The following PDCD1LG2 variants were observed in gnomAD, a reference collection of about 807,000 sequenced individuals.
PDCD1LG2 encodes B7 dendritic cell molecule.
Under a neutral mutation model 28.2 loss-of-function variants are expected in PDCD1LG2, and 32 were observed. That is an observed-to-expected ratio of 1.13 (90% CI 0.86 to 1.52). PDCD1LG2 has a LOEUF of 1.52. PDCD1LG2 is among the 40% of genes most tolerant of loss of function. PDCD1LG2 has a pLI of 0.00. For synonymous variants in PDCD1LG2, 116 were observed against 120.2 expected, an observed-to-expected ratio of 0.97 and a Z score of 0.23; for missense variants, 385 against 323.8, an observed-to-expected ratio of 1.19 and a Z score of -1.45.
In PDCD1LG2 at chr9:5,537,664, G is replaced by A. The variant is rs547796523; in HGVS notation, c.361+2614G>A. ...AAACACCGCATGTTCTCACTCATAG[G>A]TGGGAATTGAACAATGAGAACACAT... On this transcript the variant is annotated intron_variant, in intron 3 of 6. Coordinates refer to ENST00000397747, the MANE Select transcript of PDCD1LG2 (RefSeq NM_025239.4). 5.3e-5 allele frequency among the ~76,000 whole-genome samples: 8 copies of A among 152,272 alleles called. No individual in the cohort carries two copies. The South Asian group carries it at 1.7e-3, about 32-fold the overall frequency.
intron 5 of PDCD1LG2, among the ~76,000 whole-genome samples, chr9:5,560,174 T>C (rs1278281058): frequency 6.6e-6 from 1 of 152,262 alleles, no homozygotes; most frequent in Non-Finnish European, 1.5e-5. Context: ...TTTAATAGCT[T>C]GGACTACCAA....
rs753508715 is a variant in PDCD1LG2, at chr9:5,534,843, C to T, written c.154C>T (p.Leu52Phe). 1.1e-5 allele frequency: 17 copies of T among 1,614,156 alleles called. No homozygotes were observed. The highest frequency in any genetic ancestry group is 1.4e-5 in the Non-Finnish European group (17 of 1,180,014). ...CTTTGACACTGGAAGTCATGTGAAC[C>T]TTGGAGCAATAACAGCCAGTTTGCA... ...CNFDTGSHVN[L>F]GAITASLQKV... Residue 52 changes from leucine (L) to phenylalanine (F), a missense_variant, in exon 3 of 7, where the codon CTT (leucine) becomes TTT (phenylalanine). Physicochemically the swap from Leu to Phe is conservative, Grantham distance 22. Coordinates refer to ENST00000397747, the MANE Select transcript of PDCD1LG2 (RefSeq NM_025239.4).
At chr9:5,530,250 A>G (rs1820456826) in intron 2 of PDCD1LG2, among the ~76,000 whole-genome samples, 1 of 152,190 alleles carries the variant, frequency 6.6e-6, no homozygotes, top group African/African-American at 2.4e-5. Flanking sequence ...ACCTGCATAC[A>G]TGAATTTTTC....
At chr9:5,517,191 A>C (rs1045342219) in intron 1 of PDCD1LG2, among the ~76,000 whole-genome samples, 3 of 152,250 alleles carry the variant, frequency 2.0e-5, no homozygotes, top group African/African-American at 7.2e-5. Flanking sequence ...ATGCTGGGGT[A>C]GGGTTGGAGT....
At chr9:5,520,528 C>G (rs1174759201) in intron 1 of PDCD1LG2, among the ~76,000 whole-genome samples, 2 of 152,134 alleles carry the variant, frequency 1.3e-5, no homozygotes, top group East Asian at 3.8e-4. Context: ...TACAATTGCT[C>G]CATTTATATT....
intron 4 of PDCD1LG2, among the ~76,000 whole-genome samples, chr9:5,557,121 C>G (rs1816458007): frequency 1.3e-5 from 2 of 152,096 alleles, no homozygotes. Flanking sequence ...ATTCTAAGCA[C>G]TGTGAGTACT....
intron 5 of PDCD1LG2, among the ~76,000 whole-genome samples, chr9:5,562,044 T>C (rs1161300821): frequency 1.3e-5 from 2 of 152,110 alleles, no homozygotes; most frequent in Admixed American, 6.5e-5. Context: ...AGGATAGTCA[T>C]GAGGGAATTA....
In PDCD1LG2 at chr9:5,549,693, T is replaced by C. The variant is rs1274456632; in HGVS notation, c.631+89T>C. 8.8e-6 allele frequency: 13 copies of C among 1,470,876 alleles called. No individual in the cohort carries two copies. In the South Asian group the frequency reaches 1.4e-4, roughly 16 times the overall value. The allele number at this position is 1,470,876 out of a possible 1,614,324, so 91.1% of individuals were successfully genotyped here. A position where few individuals can be genotyped will look rare whatever the true frequency, so the allele number is the denominator to read the frequency against. ...CTCGAGTGATTTGAGGAGAGTGTAA[T>C]AAAGGGACTGTTTACAAAGGTGTGA... On this transcript the variant is annotated intron_variant, in intron 4 of 6. Transcript: ENST00000397747.
intron 6 of PDCD1LG2, among the ~76,000 whole-genome samples, chr9:5,564,662 T>C (rs1816629473): frequency 1.3e-5 from 2 of 152,218 alleles, no homozygotes; most frequent in Non-Finnish European, 2.9e-5. Flanking sequence ...CTTGTCTCTA[T>C]AGATCATATC....
chr9:5,544,370 G>A (rs574634083), intron 3 of PDCD1LG2, among the ~76,000 whole-genome samples: 2 of 152,322 alleles, frequency 1.3e-5, no homozygotes, highest in African/African-American at 2.4e-5. Context: ...AACCCAGTGG[G>A]CCTGTCCATT....
chr9:5,513,731 T>C (rs1820104514), intron 1 of PDCD1LG2, among the ~76,000 whole-genome samples: 1 of 152,216 alleles, frequency 6.6e-6, no homozygotes, highest in Non-Finnish European at 1.5e-5. Context: ...CTCATATACC[T>C]ATGACAGCAG....
intron 3 of PDCD1LG2, among the ~76,000 whole-genome samples, chr9:5,548,189 T>C (rs1440655039): frequency 1.3e-5 from 2 of 152,192 alleles, no homozygotes; most frequent in Non-Finnish European, 2.9e-5. Context: ...GATAACCACC[T>C]TTCTACTCTG....
At chr9:5,543,346 T>A (rs56299437) in intron 3 of PDCD1LG2, among the ~76,000 whole-genome samples, 1 of 152,188 alleles carries the variant, frequency 6.6e-6, no homozygotes, top group Non-Finnish European at 1.5e-5. Context: ...AAGATCATCC[T>A]GGCTAACACG....
chr9:5,549,699 G>C (rs2129880653), intron 4 of PDCD1LG2, 95 bp downstream of exon 4: 2 of 1,442,036 alleles, frequency 1.4e-6, no homozygotes, highest in East Asian at 2.3e-5. Flanking sequence ...GTAATAAAGG[G>C]ACTGTTTACA....
chr9:5,514,514 T>C lies in PDCD1LG2; in HGVS notation c.-15+3711T>C, dbSNP rs187935638. Reference sequence around the variant, plus strand: ...CTTATCCTCAGAATTTACAGATGTTTCCTTGATTTCTCTGGAAAGATACAA... The same window carrying C: ...CTTATCCTCAGAATTTACAGATGTTCCCTTGATTTCTCTGGAAAGATACAA... On this transcript the variant is annotated intron_variant, in intron 1 of 6. Coordinates refer to ENST00000397747, the MANE Select transcript of PDCD1LG2 (RefSeq NM_025239.4). Among the ~76,000 whole-genome samples the C allele has an allele frequency of 8.9e-4, 136 of 152,348 alleles. 1 individual carries two copies. Among genetic ancestry groups the C allele is most frequent in the Non-Finnish European group, 1.7e-3 (114 of 68,034 alleles).
At chr9:5,524,189 C>T (rs1454681414) in intron 2 of PDCD1LG2, among the ~76,000 whole-genome samples, 3 of 152,056 alleles carry the variant, frequency 2.0e-5, no homozygotes, top group African/African-American at 7.2e-5. Flanking sequence ...ACTTAATTTC[C>T]CCAAGATTAC....
chr9:5,526,968 T>C (rs1281505362), intron 2 of PDCD1LG2, among the ~76,000 whole-genome samples: 1 of 152,128 alleles, frequency 6.6e-6, no homozygotes, highest in Non-Finnish European at 1.5e-5. Flanking sequence ...GAAAAAAATG[T>C]GTGCCTCCTA....
intron 6 of PDCD1LG2, among the ~76,000 whole-genome samples, chr9:5,566,977 A>C (rs1816679011): frequency 6.6e-6 from 1 of 152,226 alleles, no homozygotes; most frequent in East Asian, 1.9e-4. Flanking sequence ...TGGATTATGG[A>C]ATCAAGTATT....
intron 6 of PDCD1LG2, among the ~76,000 whole-genome samples, chr9:5,565,830 G>A (rs1442959917): frequency 6.6e-6 from 1 of 151,952 alleles, no homozygotes; most frequent in South Asian, 2.1e-4. Context: ...TTTAATTTTA[G>A]TTGAGTCTAT....
Sources: allele counts gnomAD v4.1 joint callset (sites outside exome capture counted in the v4.1 genomes callset), GRCh38; gene constraint gnomAD v4.1.1; transcripts MANE v1.5; gene names NCBI Gene and HGNC (gene_info 2026-07-23, HGNC 2026-07-21).